Variants in HEXB observed in about 807,000 individuals in gnomAD.
HEXB encodes the protein hexosaminidase subunit beta, also known as beta-hexosaminidase subunit beta.
HEXB carries 51 observed loss-of-function variants against 71.2 expected under a neutral mutation model. The observed-to-expected ratio is 0.72, with a 90% confidence interval of 0.57 to 0.90. The LOEUF is 0.90. Ranked by LOEUF, HEXB falls within the 40% of genes least tolerant of loss-of-function variation. The pLI is 0.00. For synonymous variants in HEXB, 266 were observed against 249.3 expected (o/e 1.07, Z -0.63); for missense variants, 617 against 677.0 (o/e 0.91, Z 0.98).
rs542118279 is a variant in HEXB, at chr5:74,672,837, G to A, written c.-376-16491G>A. ...ACAAGACAAATCGTAGAGAGTGGAA[G>A]GAAGGTTAAGAAGGACTATTTTTAA... On this transcript the variant is annotated intron_variant, in intron 1 of 13. Transcript: ENST00000511181. Among the ~76,000 whole-genome samples the A allele has an allele frequency of 2.5e-3, 388 of 152,316 alleles. 3 individuals carry two copies. Among genetic ancestry groups the A allele is most frequent in the Non-Finnish European group, 4.5e-3 (304 of 68,034 alleles).
chr5:74,687,652 A>G (rs1215590773), intron 1 of HEXB, among the ~76,000 whole-genome samples: 1 of 152,182 alleles, frequency 6.6e-6, no homozygotes, highest in East Asian at 1.9e-4. Flanking sequence ...TCTGATCTCA[A>G]AGCTGCCAGC....
intron 6 of HEXB, among the ~76,000 whole-genome samples, chr5:74,708,602 C>T (rs1233911089): frequency 6.6e-6 from 1 of 152,030 alleles, no homozygotes; most frequent in Non-Finnish European, 1.5e-5. Flanking sequence ...GAAGATCTAC[C>T]AAGGAAATGG....
At chr5:74,705,342 C>G (rs761751714) in intron 6 of HEXB, 22 bp downstream of exon 6, 22 of 1,261,652 alleles carry the variant, frequency 1.7e-5, no homozygotes, top group African/African-American at 2.9e-5. Context: ...GTATTGTACT[C>G]TGTCTACAAA....
At chr5:74,704,120 T>A (rs1308630307) in intron 5 of HEXB, among the ~76,000 whole-genome samples, 2 of 152,208 alleles carry the variant, frequency 1.3e-5, no homozygotes, top group Non-Finnish European at 2.9e-5. Context: ...TTATGTAAAA[T>A]GTTTACCAAC....
At chr5:74,707,816 G>A (rs1359941368) in intron 6 of HEXB, among the ~76,000 whole-genome samples, 1 of 41,998 alleles carries the variant, frequency 2.4e-5, no homozygotes, top group Non-Finnish European at 6.6e-5. Context: ...CATCTGATTG[G>A]TGTACCTGAA....
At chr5:74,712,234 G>C (rs1297991475) in intron 6 of HEXB, among the ~76,000 whole-genome samples, 68 of 145,804 alleles carry the variant, frequency 4.7e-4, no homozygotes, top group Middle Eastern at 3.6e-3. Context: ...TGAACAATGA[G>C]AACACATGGA....
At chr5:74,650,359 G>C (rs1407687831) in intron 1 of HEXB, among the ~76,000 whole-genome samples, 1 of 152,152 alleles carries the variant, frequency 6.6e-6, no homozygotes, top group African/African-American at 2.4e-5. Flanking sequence ...ATCCCTGTTG[G>C]AGCATTCTTT....
intron 1 of HEXB, among the ~76,000 whole-genome samples, chr5:74,686,752 G>C (rs914846121): frequency 6.6e-6 from 1 of 152,228 alleles, no homozygotes. Context: ...GGGTTAAGAT[G>C]TAGAACCAAA....
chr5:74,641,889 A>C lies in HEXB; in HGVS notation c.-377+1331A>C, dbSNP rs1747900491. On this transcript the variant is annotated intron_variant, in intron 1 of 13. Transcript: ENST00000511181. This position sits in a 1 kb window ranked among gnomAD's most constrained non-coding sequence, Gnocchi z 4.1. The stretch of plus-strand genomic sequence containing the variant: ...GGAACCGAGGCCCAGGGAGATGTGA[A>C]TTGCCTGGCTCGTAGTCACTTAGCA... Among the ~76,000 whole-genome samples, 1 of 152,126 alleles carries C rather than the reference A, an allele frequency of 6.6e-6. No homozygotes were observed. Among genetic ancestry groups the C allele is most frequent in the Admixed American group, 6.5e-5 (1 of 15,276 alleles).
chr5:74,721,132 C>CACAACCTCTTTATGCTGGA lies in HEXB; in HGVS notation c.1629_1647dup (p.Tyr550ThrfsTer9). 1 of 1,612,798 alleles carries CACAACCTCTTTATGCTGGA rather than the reference C, an allele frequency of 6.2e-7. No individual in the cohort carries two copies. Among genetic ancestry groups the CACAACCTCTTTATGCTGGA allele is most frequent in the Non-Finnish European group, 8.5e-7 (1 of 1,178,980 alleles). ...GTTATCTACAGACGTGGAATAGCTG[C>CACAACCTCTTTATGCTGGA]ACAACCTCTTTATGCTGGATATTGT... is the stretch of plus-strand genomic sequence containing the variant. On this transcript the variant is annotated frameshift_variant, in exon 14 of 14. Coordinates refer to ENST00000261416, the MANE Select transcript of HEXB (RefSeq NM_000521.4). LOFTEE classifies it low-confidence loss of function (END_TRUNC).
At chr5:74,681,596 T>TTTG (rs1266281732), upstream of HEXB, among the ~76,000 whole-genome samples, 1 of 152,216 alleles carries the variant, frequency 6.6e-6, no homozygotes, top group African/African-American at 2.4e-5. Flanking sequence ...GTTAATATTG[T>TTTG]TCCCGTGTTA....
chr5:74,696,661 TA>T, intron 3 of HEXB, 31 bp from the exon 4 acceptor site: 1 of 1,144,422 alleles, frequency 8.7e-7, no homozygotes, highest in Non-Finnish European at 1.3e-6. Flanking sequence ...TGTTGATTTA[TA>T]AATTAATGCA....
intron 6 of HEXB, among the ~76,000 whole-genome samples, chr5:74,710,851 C>T (rs1444132207): frequency 6.6e-6 from 1 of 152,044 alleles, no homozygotes; most frequent in African/African-American, 2.4e-5. Context: ...TGAAAATGGC[C>T]ATACTGCCCA....
upstream of HEXB, among the ~76,000 whole-genome samples, chr5:74,684,487 A>T (rs1365355266): frequency 1.3e-5 from 2 of 151,994 alleles, no homozygotes; most frequent in Non-Finnish European, 2.9e-5. Flanking sequence ...GAGCAAATAA[A>T]CTCAGCTCTC....
intron 5 of HEXB, among the ~76,000 whole-genome samples, chr5:74,699,955 T>TA (rs397813933): frequency 2.0e-5 from 3 of 150,666 alleles, no homozygotes; most frequent in African/African-American, 7.3e-5. Context: ...GCCTTTTTTT[T>TA]ACATATTAAT....
Position 74,697,031 on chromosome 5 carries a change from A to C in HEXB, c.594A>C (p.Pro198=), listed in dbSNP as rs1285699903. 1.3e-6 allele frequency: 2 copies of C among 1,582,752 alleles called. No individual in the cohort carries two copies. The highest frequency in any genetic ancestry group is 1.7e-6 in the Non-Finnish European group (2 of 1,152,544). Residue 198 remains proline, a synonymous_variant, in exon 5 of 14, where the codon CCA becomes CCC. Coordinates refer to ENST00000261416, the MANE Select transcript of HEXB (RefSeq NM_000521.4). ...ATGAATCCACCATTATTGATTCTCC[A>C]AGGTTTTCTCACAGAGGAATTTTGA... is the stretch of plus-strand genomic sequence containing the variant. ...TINESTIIDS[P]RFSHRGILID... is the part of the protein sequence containing the mutation.
chr5:74,666,035 T>A (rs1269505367), intron 1 of HEXB, among the ~76,000 whole-genome samples: 1 of 152,230 alleles, frequency 6.6e-6, no homozygotes, highest in African/African-American at 2.4e-5. Flanking sequence ...GTTGTACAGA[T>A]GCCAGATACT....
chr5:74,698,553 A>G (rs1399863697), intron 5 of HEXB, among the ~76,000 whole-genome samples: 2 of 151,344 alleles, frequency 1.3e-5, no homozygotes, highest in Admixed American at 6.6e-5. Context: ...CACCACACCC[A>G]GCTAATTTTT....
intron 8 of HEXB, among the ~76,000 whole-genome samples, chr5:74,716,036 A>T (rs1749665399): frequency 7.0e-6 from 1 of 141,946 alleles, no homozygotes; most frequent in Admixed American, 7.0e-5. Context: ...AAAAAAAAAA[A>T]AAAAATGGAA....
Sources: allele counts gnomAD v4.1 joint callset (sites outside exome capture counted in the v4.1 genomes callset), GRCh38; gene constraint gnomAD v4.1.1; non-coding constraint Gnocchi (gnomAD v3.1); transcripts MANE v1.5; gene names NCBI Gene and HGNC (gene_info 2026-07-23, HGNC 2026-07-21).